The following VPS13C variants were observed in gnomAD, a reference collection of about 807,000 sequenced individuals.
The protein encoded by VPS13C is vacuolar protein sorting 13 homolog C.
A neutral mutation model predicts 456.8 loss-of-function variants in VPS13C; 358 were observed. The ratio of observed to expected loss-of-function variants is 0.78; its 90% confidence interval spans 0.72 to 0.86. The LOEUF (loss-of-function observed/expected upper bound fraction) is 0.86. Ranked by LOEUF, VPS13C falls within the 40% of genes least tolerant of loss-of-function variation. The pLI, the probability that VPS13C is intolerant of heterozygous loss-of-function variation, is 0.00. For synonymous variants in VPS13C, 1,578 were observed against 1,486.7 expected (o/e 1.06, Z -1.41); for missense variants, 4,818 against 4,385.4 (o/e 1.10, Z -2.79).
Position 61,942,203 on chromosome 15 carries a change from A to G in VPS13C, c.5149-136T>C. On this transcript the variant is annotated intron_variant, in intron 45 of 84. Transcript: ENST00000644861. ...TATTTATGATTTTGTGTATGTAGAG[A>G]GTGAAGTCTAGAAACATACACTCTG... is the stretch of plus-strand genomic sequence containing the variant. 4.0e-6 allele frequency: 3 copies of G among 750,790 alleles called. No homozygotes were observed. The East Asian group carries it at 8.3e-5, about 21-fold the overall frequency. 46.5% of individuals were successfully genotyped at this position (750,790 alleles called of 1,614,324 possible).
At chr15:61,952,082 C>A in intron 38 of VPS13C, 102 bp from the exon 39 acceptor site, 1 of 1,346,268 alleles carries the variant, frequency 7.4e-7, no homozygotes, top group Non-Finnish European at 1.0e-6. Context: ...GGAAGAAATT[C>A]ACACAATGTT....
intron 67 of VPS13C, among the ~76,000 whole-genome samples, chr15:61,884,719 T>C (rs1896142371): frequency 6.6e-6 from 1 of 152,094 alleles, no homozygotes; most frequent in African/African-American, 2.4e-5. Flanking sequence ...AAGTAACATG[T>C]CACTTAGTGT....
rs79123210 is a variant in VPS13C at position 62,009,586 on chromosome 15, T to C, written c.1012-825A>G. Among the ~76,000 whole-genome samples, 314 of 152,312 alleles carry C rather than the reference T, an allele frequency of 2.1e-3. 1 individual carries two copies. Among genetic ancestry groups the C allele is most frequent in the African/African-American group, 7.0e-3 (292 of 41,572 alleles). ...GAAATATTAAGTTAAATAAAATGTA[T>C]TATGAAAGTTAATTTCACCTTTTTC... On this transcript the variant is annotated intron_variant, in intron 13 of 84. Coordinates refer to ENST00000644861, the MANE Select transcript of VPS13C (RefSeq NM_020821.3).
chr15:61,909,012 G>A lies in VPS13C; in HGVS notation c.8958C>T (p.Asp2986=). The A allele has an allele frequency of 6.2e-7, 1 of 1,613,466 alleles. No individual in the cohort carries two copies. Among genetic ancestry groups the A allele is most frequent in the Non-Finnish European group, 8.5e-7 (1 of 1,179,720 alleles). ...PALIMNHTPW[D]ILTYKQSGSP... ...CATACCTCTGTTTGTATGTGAGGAT[G>A]TCCCATGGTGTATGGTTCATTATCA... Residue 2986 remains aspartate (D), a synonymous_variant, in exon 65 of 85, where the codon GAC becomes GAT. Coordinates refer to ENST00000644861, the MANE Select transcript of VPS13C (RefSeq NM_020821.3).
chr15:62,057,168 G>T (rs2048830670), intron 1 of VPS13C, among the ~76,000 whole-genome samples: 1 of 152,032 alleles, frequency 6.6e-6, no homozygotes, highest in Non-Finnish European at 1.5e-5. Flanking sequence ...TTTACAAGAT[G>T]AATTCTTCCC....
At chr15:61,999,948 T>A (rs2046547740) in intron 16 of VPS13C, among the ~76,000 whole-genome samples, 1 of 146,350 alleles carries the variant, frequency 6.8e-6, no homozygotes. Context: ...AATACGCAGG[T>A]ATATAAGCAT....
intron 66 of VPS13C, among the ~76,000 whole-genome samples, chr15:61,894,318 G>A (rs1485742363): frequency 4.8e-5 from 7 of 146,208 alleles, no homozygotes; most frequent in South Asian, 2.2e-4. Flanking sequence ...AAAACAAAAA[G>A]CAGAAAAAAA....
chr15:62,001,838 G>C (rs1204185392), intron 15 of VPS13C, among the ~76,000 whole-genome samples: 1 of 152,196 alleles, frequency 6.6e-6, no homozygotes, highest in Non-Finnish European at 1.5e-5. Flanking sequence ...TCCCTACAAA[G>C]GACATGAACT....
intron 61 of VPS13C, 36 bp from the exon 62 acceptor site, chr15:61,913,451 C>A (rs1211852357): frequency 2.0e-6 from 3 of 1,533,618 alleles, no homozygotes; most frequent in Non-Finnish European, 2.7e-6. Context: ...TATAAGAAAT[C>A]TAAAACACTA....
At chr15:61,937,334 C>T (rs1163524780) in intron 47 of VPS13C, among the ~76,000 whole-genome samples, 1 of 152,182 alleles carries the variant, frequency 6.6e-6, no homozygotes, top group Non-Finnish European at 1.5e-5. Context: ...AAGGTAGCAT[C>T]TTATCTTTTA....
chr15:62,050,527 G>A (rs1014915861), intron 1 of VPS13C, among the ~76,000 whole-genome samples: 17 of 152,232 alleles, frequency 1.1e-4, no homozygotes, highest in Non-Finnish European at 4.4e-5. Flanking sequence ...GGTGCAGTGA[G>A]TGGCTCATGC....
At chr15:61,987,781 T>C (rs2046100212) in intron 18 of VPS13C, among the ~76,000 whole-genome samples, 1 of 152,198 alleles carries the variant, frequency 6.6e-6, no homozygotes, top group Non-Finnish European at 1.5e-5. Flanking sequence ...CTGGAACCAG[T>C]AGTAGGAATA....
At chr15:62,009,027 T>A (rs1430322220) in intron 13 of VPS13C, among the ~76,000 whole-genome samples, 2 of 152,182 alleles carry the variant, frequency 1.3e-5, no homozygotes, top group Admixed American at 1.3e-4. Context: ...AATTAAATTG[T>A]CTTATCACCA....
chr15:61,930,003 A>G (rs1165773117), intron 50 of VPS13C, among the ~76,000 whole-genome samples: 1 of 151,878 alleles, frequency 6.6e-6, no homozygotes, highest in Non-Finnish European at 1.5e-5. Flanking sequence ...ATTGCATTAT[A>G]ATGCAATTTT....
In VPS13C at chr15:61,974,357, T is replaced by A. The variant is rs1352092170; in HGVS notation, c.2469A>T (p.Lys823Asn). 2 of 1,612,674 alleles carry A rather than the reference T, an allele frequency of 1.2e-6. No homozygotes were observed. The highest frequency in any genetic ancestry group is 1.3e-5 in the African/African-American group (1 of 74,872). The change falls in exon 25 of 85, where the codon AAA becomes AAT. Residue 823 changes from lysine (K) to asparagine (N), a missense_variant. Lys to Asn is a moderately conservative substitution (Grantham distance 94, BLOSUM62 0). Transcript: ENST00000644861. Reference sequence around the variant, plus strand: ...TACTGTTCATCAAATATAGCACATCTTTCATCTTCTGGTCAGAAATTCTCA... The same window carrying A: ...TACTGTTCATCAAATATAGCACATCATTCATCTTCTGGTCAGAAATTCTCA... ...MHVRISDQKM[K>N]DVLYLMNSIP...
intron 81 of VPS13C, chr15:61,866,330 C>T (rs1894589219): frequency 1.0e-6 from 1 of 983,378 alleles, no homozygotes; most frequent in Non-Finnish European, 1.2e-6. Flanking sequence ...ATTATATGTT[C>T]AGACAAAATA....
chr15:61,871,084 T>C (rs1312125325), intron 79 of VPS13C, among the ~76,000 whole-genome samples: 1 of 152,180 alleles, frequency 6.6e-6, no homozygotes, highest in Non-Finnish European at 1.5e-5. Context: ...TGGTTGTCCT[T>C]TGAAGCACAA....
At position 61,929,605 on chromosome 15, in the gene VPS13C, G is replaced by A; in HGVS notation, c.6182C>T (p.Ala2061Val). The A allele has an allele frequency of 6.2e-7, 1 of 1,613,986 alleles. No individual in the cohort carries two copies. Among genetic ancestry groups the A allele is most frequent in the East Asian group, 2.2e-5 (1 of 44,854 alleles). ...AGGCACAGCTTTGATAAAGAAATCT[G>A]CCACAGTCATCAGAAATTCCACACT... The part of the protein sequence containing the change: ...CASVEFLMTV[A>V]DFFIKAVPQS... Residue 2061 changes from alanine to valine, a missense_variant, in exon 51 of 85, where the codon GCA becomes GTA. Ala to Val is a moderately conservative substitution (Grantham distance 64). This residue lies in a region of VPS13C where 4,552 missense variants were observed against 4,130.6 expected (regional missense o/e 1.10). Coordinates refer to ENST00000644861, the MANE Select transcript of VPS13C (RefSeq NM_020821.3).
chr15:62,007,162 AT>A (rs1206715440), intron 15 of VPS13C, 145 bp downstream of exon 15: 2 of 733,294 alleles, frequency 2.7e-6, no homozygotes, highest in East Asian at 6.9e-5. Flanking sequence ...GAAAAAAAAA[AT>A]TCTGCATTTT....
Sources: gnomAD v4.1 joint callset for allele counts (sites outside exome capture counted in the v4.1 genomes callset) on GRCh38, gnomAD v4.1.1 for gene constraint, gnomAD v4.1.1 regional missense constraint, MANE v1.5 for transcripts, NCBI Gene and HGNC (gene_info 2026-07-23, HGNC 2026-07-21) for gene names.